DHX34: variants seen among roughly 807,000 people sequenced by gnomAD.
DHX34 encodes the protein probable ATP-dependent RNA helicase DHX34.
DHX34 carries 96 observed loss-of-function variants against 111.1 expected under a neutral mutation model. That is an observed-to-expected ratio of 0.86 (90% CI 0.73 to 1.02). DHX34 has a LOEUF of 1.02. DHX34 is among the 50% of genes least tolerant of loss of function. DHX34 has a pLI of 0.00. For synonymous variants in DHX34, 688 were observed against 670.4 expected (o/e 1.03, Z -0.41); for missense variants, 1,560 against 1,579.9 (o/e 0.99, Z 0.21).
chr19:47,361,293 A>C (rs1969624670), intron 5 of DHX34, among the ~76,000 whole-genome samples: 1 of 151,852 alleles, frequency 6.6e-6, no homozygotes, highest in Admixed American at 6.6e-5. Flanking sequence ...CTCCGCCCCT[A>C]CTAAAAATAC....
chr19:47,359,754 C>T (rs577778553), intron 4 of DHX34: 1 of 765,748 alleles, frequency 1.3e-6, no homozygotes, highest in South Asian at 6.0e-5. Flanking sequence ...TGCACTCCAG[C>T]CTGGGCGACA....
rs745773076 is a variant in DHX34 at position 47,373,590 on chromosome 19, T to C, written c.1963-9T>C. Reference sequence around the variant, plus strand: ...GCCCTGACACCCTGGCGTCTGCTCCTCCACCCAGGTGAAATCTGAACGGAG... The same window carrying C: ...GCCCTGACACCCTGGCGTCTGCTCCCCCACCCAGGTGAAATCTGAACGGAG... On this transcript the variant is annotated splice_polypyrimidine_tract_variant and intron_variant, in intron 8 of 16. Coordinates refer to ENST00000328771, the MANE Select transcript of DHX34 (RefSeq NM_014681.6). 1 of 1,612,534 alleles carries C rather than the reference T, an allele frequency of 6.2e-7. No homozygotes were observed. Among genetic ancestry groups the C allele is most frequent in the East Asian group, 2.2e-5 (1 of 44,848 alleles).
chr19:47,361,694 G>A (rs1969635987), intron 5 of DHX34, among the ~76,000 whole-genome samples: 1 of 151,818 alleles, frequency 6.6e-6, no homozygotes, highest in Non-Finnish European at 1.5e-5. Context: ...CAGGAGAATC[G>A]CTTGAACTCA....
In DHX34 at chr19:47,352,746, CTCTT is replaced by C. The variant is rs1206284440; in HGVS notation, c.-277-7_-277-4del. The C allele has an allele frequency of 4.3e-6, 2 of 462,092 alleles. No homozygotes were observed. Among genetic ancestry groups the C allele is most frequent in the African/African-American group, 3.9e-5 (2 of 51,256 alleles). 28.6% of individuals were successfully genotyped at this position (462,092 alleles called of 1,614,324 possible). On this transcript the variant is annotated splice_polypyrimidine_tract_variant and splice_region_variant and intron_variant, in intron 1 of 16. Transcript: ENST00000328771. ...AGAGAATTAATGTCTTCTGTTCTCT[CTCTT>C]AAGAATCCAGGGCCTGAAAACCCAG...
At chr19:47,381,761 C>T (rs1970366057) in intron 16 of DHX34, 2 of 776,956 alleles carry the variant, frequency 2.6e-6, no homozygotes, top group Non-Finnish European at 3.1e-6. Context: ...CCATGTCTCT[C>T]CTTGTGTCTT....
At position 47,375,726 on chromosome 19, in the gene DHX34, T is replaced by C; in HGVS notation, c.2307+18T>C. The stretch of plus-strand genomic sequence containing the variant: ...ACATCCAGGTGGGCGCCATGGGCTG[T>C]GGGGTGTGGGGGTTTACCAAGGTGG... On this transcript the variant is annotated intron_variant, in intron 10 of 16. Coordinates refer to ENST00000328771, the MANE Select transcript of DHX34 (RefSeq NM_014681.6). The C allele has an allele frequency of 6.4e-7, 1 of 1,560,216 alleles. No homozygotes were observed. The highest frequency in any genetic ancestry group is 8.6e-7 in the Non-Finnish European group (1 of 1,159,038).
intron 4 of DHX34, among the ~76,000 whole-genome samples, chr19:47,358,763 C>T (rs1352189845): frequency 6.6e-6 from 1 of 152,032 alleles, no homozygotes; most frequent in Admixed American, 6.6e-5. Context: ...TACAGGCACC[C>T]GCCACCACGT....
Position 47,376,107 on chromosome 19 carries a change from G to T in DHX34, c.2481+10G>T. 6.5e-7 allele frequency: 1 copy of T among 1,542,276 alleles called. No homozygotes were observed. Among genetic ancestry groups the T allele is most frequent in the Non-Finnish European group, 8.7e-7 (1 of 1,146,730 alleles). On this transcript the variant is annotated intron_variant, in intron 11 of 16. Coordinates refer to ENST00000328771, the MANE Select transcript of DHX34 (RefSeq NM_014681.6). ...AAAGGACTCAGACCAGGTGGGGCCT[G>T]TTCTGCCCCATCCTATGTTTTGTCC...
chr19:47,354,417 T>G (rs1243452746), intron 2 of DHX34, among the ~76,000 whole-genome samples: 1 of 152,202 alleles, frequency 6.6e-6, no homozygotes, highest in African/African-American at 2.4e-5. Context: ...TAGCAGGGAC[T>G]CAAGAAAAGG....
Position 47,357,969 on chromosome 19 carries a change from C to T in DHX34, c.1121C>T (p.Pro374Leu), listed in dbSNP as rs757302035. The T allele has an allele frequency of 3.2e-5, 51 of 1,613,874 alleles. No homozygotes were observed. The highest frequency in any genetic ancestry group is 1.0e-4 in the Admixed American group (6 of 59,988). Residue 374 changes from proline (P) to leucine (L), a missense_variant, in exon 4 of 17, where the codon CCG becomes CTG. By Grantham distance (98) the Pro-to-Leu change is moderately conservative. Coordinates refer to ENST00000328771, the MANE Select transcript of DHX34 (RefSeq NM_014681.6). Reference protein sequence around the residue: ...RVLESIDHKYPPEERGDLLVF... With the variant: ...RVLESIDHKYLPEERGDLLVF... ...CTGGAGTCCATTGACCACAAGTACC[C>T]GCCTGAGGAGCGGGGTGACCTCCTC...
Position 47,376,055 on chromosome 19 carries a change from C to A in DHX34, c.2439C>A (p.Ala813=). The change falls in exon 11 of 17, where the codon GCC becomes GCA. Residue 813 remains alanine (A), a synonymous_variant. Transcript: ENST00000328771. ...VLGRGLYPQL[A]VPDAFNSSRK... ...GCCGGGGCCTGTACCCACAGCTGGC[C>A]GTCCCCGACGCCTTCAACAGCAGCC... 1.9e-6 allele frequency: 3 copies of A among 1,583,152 alleles called. No individual in the cohort carries two copies. Among genetic ancestry groups the A allele is most frequent in the South Asian group, 1.1e-5 (1 of 88,464 alleles).
At chr19:47,354,866 C>T (rs1242650584) in intron 2 of DHX34, 173 bp from the exon 3 acceptor site, 5 of 720,634 alleles carry the variant, frequency 6.9e-6, no homozygotes, top group Admixed American at 6.3e-5. Flanking sequence ...GTTAGTCAGG[C>T]GGATCTCGAA....
rs769029506 is a variant in DHX34 at position 47,372,843 on chromosome 19, T to TGC, written c.1886_1887dup (p.Ala630ArgfsTer27). On this transcript the variant is annotated frameshift_variant, in exon 8 of 17. Coordinates refer to ENST00000328771, the MANE Select transcript of DHX34 (RefSeq NM_014681.6). LOFTEE classifies it high-confidence loss of function. Reference sequence around the variant, plus strand: ...CCGCAGCGCCCAGAGCAGCCCAGAGTGCGCGGCAGCACGGCGGCCGCTGGA... The same window carrying TGC: ...CCGCAGCGCCCAGAGCAGCCCAGAGTGCGCGCGGCAGCACGGCGGCCGCTGGA... The TGC allele has an allele frequency of 6.2e-6, 10 of 1,612,068 alleles. No homozygotes were observed. Among genetic ancestry groups the TGC allele is most frequent in the Non-Finnish European group, 8.5e-6 (10 of 1,179,292 alleles).
At position 47,379,714 on chromosome 19, in the gene DHX34, T is replaced by C; in HGVS notation, c.2711T>C (p.Leu904Pro). The C allele has an allele frequency of 1.3e-6, 2 of 1,595,992 alleles. No homozygotes were observed. The highest frequency in any genetic ancestry group is 2.3e-5 in the East Asian group (1 of 44,358). ...NCVRIPALQS[L>P]LLFSRSLDTN... is the part of the protein sequence containing the mutation. ...CTTCTGCCCCCTCTCTTTCAGTCCC[T>C]CCTGCTTTTTAGCCGGTCTTTGGAC... is the stretch of plus-strand genomic sequence containing the variant. The change falls in exon 14 of 17, where the codon CTC (leucine) becomes CCC (proline). Residue 904 changes from leucine to proline, a missense_variant. By Grantham distance (98) the Leu-to-Pro change is moderately conservative. Transcript: ENST00000328771.
intron 1 of DHX34, among the ~76,000 whole-genome samples, chr19:47,349,873 C>A (rs980831579): frequency 6.6e-6 from 1 of 151,994 alleles, no homozygotes; most frequent in Non-Finnish European, 1.5e-5. Flanking sequence ...TAGGAAGAAC[C>A]CCACAAAAGC....
chr19:47,372,604 C>A, intron 7 of DHX34, 126 bp from the exon 8 acceptor site: 1 of 1,428,368 alleles, frequency 7.0e-7, no homozygotes. Context: ...TCACAAGACC[C>A]TTAGTGGGCA....
Position 47,379,931 on chromosome 19 carries a change from C to T in DHX34, c.2928C>T (p.Ser976=), listed in dbSNP as rs1002693734. The change falls in exon 14 of 17, where the codon AGC becomes AGT. Residue 976 remains serine (S), a synonymous_variant. Coordinates refer to ENST00000328771, the MANE Select transcript of DHX34 (RefSeq NM_014681.6). ...AGGAGGAGGAGGATACGCCAGTCAG[C>T]CCCAAGGAGGTGGCCACCCTGAGCA... ...LEEEEEDTPV[S]PKEVATLSKE... 3.7e-6 allele frequency: 6 copies of T among 1,606,900 alleles called. No individual in the cohort carries two copies. The African/African-American group carries it at 8.0e-5, about 21-fold the overall frequency.
rs114290343 is a variant in DHX34 at position 47,371,602 on chromosome 19, G to T, written c.1769-1128G>T. Among the ~76,000 whole-genome samples the T allele has an allele frequency of 8.0e-3, 1,212 of 152,100 alleles. 21 individuals are homozygous for T. The highest frequency in any genetic ancestry group is 0.028 in the African/African-American group (1,165 of 41,454). Reference sequence around the variant, plus strand: ...TTGTTTTATGAGGCCAGCTTTTTTTGTTTGTTTGGTTTTTGAGACGAAGTC... The same window carrying T: ...TTGTTTTATGAGGCCAGCTTTTTTTTTTTGTTTGGTTTTTGAGACGAAGTC... On this transcript the variant is annotated intron_variant, in intron 7 of 16. Coordinates refer to ENST00000328771, the MANE Select transcript of DHX34 (RefSeq NM_014681.6).
intron 1 of DHX34, among the ~76,000 whole-genome samples, chr19:47,351,848 G>T (rs962166763): frequency 1.3e-5 from 2 of 152,124 alleles, no homozygotes; most frequent in African/African-American, 4.8e-5. Flanking sequence ...TTGTCTTAAA[G>T]GCCCTCAGAA....
Sources: gnomAD v4.1 joint callset for allele counts (sites outside exome capture counted in the v4.1 genomes callset) on GRCh38, gnomAD v4.1.1 for gene constraint, MANE v1.5 for transcripts, NCBI Gene and HGNC (gene_info 2026-07-23, HGNC 2026-07-21) for gene names.